The following ASB3 variants were observed in gnomAD, a reference collection of about 807,000 sequenced individuals.
The protein encoded by ASB3 is ankyrin repeat and SOCS box protein 3.
Under a neutral mutation model 54.5 loss-of-function variants are expected in ASB3, and 41 were observed. The ratio of observed to expected loss-of-function variants is 0.75; its 90% CI spans 0.59 to 0.98. The LOEUF is 0.98. ASB3 is among the 50% of genes least tolerant of loss of function. ASB3 has a pLI of 0.00. For missense variants in ASB3, 733 were observed against 620.0 expected, an observed-to-expected ratio of 1.18 and a Z score of -1.94; for synonymous variants, 266 against 221.2, an observed-to-expected ratio of 1.20 and a Z score of -1.80.
intron 5 of ASB3, among the ~76,000 whole-genome samples, chr2:53,725,186 C>A (rs1670925059): frequency 6.6e-6 from 1 of 152,090 alleles, no homozygotes; most frequent in Non-Finnish European, 1.5e-5. Context: ...AACAAATTAA[C>A]AAAAACCAAA....
chr2:53,758,125 T>C (rs1039012446), intron 2 of ASB3, among the ~76,000 whole-genome samples: 1 of 152,204 alleles, frequency 6.6e-6, no homozygotes, highest in Non-Finnish European at 1.5e-5. Flanking sequence ...CTATAATTGA[T>C]AACTGAAGGT....
chr2:53,703,426 G>A (rs1010153807), intron 7 of ASB3, among the ~76,000 whole-genome samples: 1 of 152,162 alleles, frequency 6.6e-6, no homozygotes, highest in Non-Finnish European at 1.5e-5. Context: ...CACTGATACT[G>A]AGCTTAAAAG....
At chr2:53,678,304 C>A (rs2103649852) in intron 9 of ASB3, among the ~76,000 whole-genome samples, 1 of 152,242 alleles carries the variant, frequency 6.6e-6, no homozygotes, top group East Asian at 1.9e-4. Context: ...TTTCATTTCC[C>A]CACAACCATC....
intron 1 of ASB3, among the ~76,000 whole-genome samples, chr2:53,772,552 G>GTTTTTGATGAT: frequency 7.0e-6 from 1 of 143,172 alleles, no homozygotes; most frequent in East Asian, 2.1e-4. Context: ...ACCTGCCCCC[G>GTTTTTGATGAT]ACAGCCAGAC....
intron 7 of ASB3, among the ~76,000 whole-genome samples, chr2:53,702,340 C>T (rs1396378697): frequency 6.6e-6 from 1 of 152,196 alleles, no homozygotes; most frequent in Non-Finnish European, 1.5e-5. Context: ...GTCTCAAATA[C>T]ATGTGCACAC....
chr2:53,720,944 C>T (rs903458282), intron 5 of ASB3, among the ~76,000 whole-genome samples: 5 of 151,826 alleles, frequency 3.3e-5, no homozygotes, highest in African/African-American at 1.2e-4. Flanking sequence ...CGATGAAACC[C>T]CATCTCTACT....
chr2:53,737,724 GAAA>G (rs543660229), intron 3 of ASB3, among the ~76,000 whole-genome samples: 2 of 63,878 alleles, frequency 3.1e-5, no homozygotes, highest in Non-Finnish European at 5.9e-5. Flanking sequence ...TTTAAAAAAG[GAAA>G]AAAAAAAAAA....
At chr2:53,704,142 C>T (rs141736262) in intron 7 of ASB3, among the ~76,000 whole-genome samples, 2 of 151,958 alleles carry the variant, frequency 1.3e-5, no homozygotes, top group East Asian at 3.9e-4. Context: ...GGACAGATCA[C>T]TTGAGGCCAG....
At chr2:53,716,296 T>G (rs1293568888) in intron 6 of ASB3, among the ~76,000 whole-genome samples, 2 of 152,052 alleles carry the variant, frequency 1.3e-5, no homozygotes, top group African/African-American at 4.8e-5. Flanking sequence ...CAGCCATAAC[T>G]AGAGAAATCA....
chr2:53,699,730 C>T (rs999830919), intron 8 of ASB3, among the ~76,000 whole-genome samples: 3 of 150,176 alleles, frequency 2.0e-5, no homozygotes, highest in Non-Finnish European at 3.0e-5. Flanking sequence ...TAGAAAGAGT[C>T]TTCTTCTTGC....
chr2:53,735,320 G>C (rs894852325), intron 3 of ASB3, among the ~76,000 whole-genome samples: 2 of 151,834 alleles, frequency 1.3e-5, no homozygotes, highest in African/African-American at 4.8e-5. Context: ...TTCCCTCATG[G>C]TCCAGAACCA....
At chr2:53,783,556 T>C (rs1180608644) in intron 1 of ASB3, among the ~76,000 whole-genome samples, 1 of 151,856 alleles carries the variant, frequency 6.6e-6, no homozygotes, top group Non-Finnish European at 1.5e-5. Context: ...GAAACACTGA[T>C]AAAATATCAC....
chr2:53,786,625 G>A (rs1048352365), intron 1 of ASB3, 196 bp downstream of exon 1: 1 of 152,696 alleles, frequency 6.5e-6, no homozygotes, highest in Non-Finnish European at 1.5e-5. Flanking sequence ...GCTGCAAGAA[G>A]GCAGGTCAGT....
At chr2:53,716,437 T>A in intron 6 of ASB3, 129 bp downstream of exon 6, 1 of 1,168,026 alleles carries the variant, frequency 8.6e-7, no homozygotes, top group Non-Finnish European at 1.2e-6. Flanking sequence ...GGTAGATCTG[T>A]TCACCCAGCA....
chr2:53,763,065 A>G (rs1476056164), intron 2 of ASB3, among the ~76,000 whole-genome samples: 2 of 152,170 alleles, frequency 1.3e-5, no homozygotes, highest in Non-Finnish European at 2.9e-5. Flanking sequence ...TATTAGATAA[A>G]CCTCAGGGAG....
intron 8 of ASB3, among the ~76,000 whole-genome samples, chr2:53,697,098 C>T (rs111589542): frequency 2.6e-4 from 40 of 152,266 alleles, no homozygotes; most frequent in African/African-American, 8.7e-4. Context: ...CCCATCAAAA[C>T]GAAGATGGTG....
chr2:53,711,950 G>A (rs1670122887), intron 7 of ASB3, among the ~76,000 whole-genome samples: 1 of 152,010 alleles, frequency 6.6e-6, no homozygotes, highest in South Asian at 2.1e-4. Flanking sequence ...AGGCTGTAGT[G>A]GAATTACTCC....
At position 53,670,181 on chromosome 2, in the gene ASB3, T is replaced by C. The variant is rs1357883369; in HGVS notation, c.*322A>G. Reference sequence around the variant, plus strand: ...TTAGCACTAGAAGTAACATCACAGTTTATTAGCAAAATAAAGCAGAAAATG... The same window carrying C: ...TTAGCACTAGAAGTAACATCACAGTCTATTAGCAAAATAAAGCAGAAAATG... On this transcript the variant is annotated 3_prime_UTR_variant, in exon 10 of 10. Coordinates refer to ENST00000263634, the MANE Select transcript of ASB3 (RefSeq NM_016115.5). 4.7e-6 allele frequency: 1 copy of C among 212,092 alleles called. No individual in the cohort carries two copies. Among genetic ancestry groups the C allele is most frequent in the African/African-American group, 2.4e-5 (1 of 42,354 alleles). The allele number at this position is 212,092 out of a possible 1,614,324, so 13.1% of individuals were successfully genotyped here.
intron 8 of ASB3, 78 bp from the exon 9 acceptor site, chr2:53,694,092 C>T (rs1669059493): frequency 1.3e-6 from 2 of 1,510,608 alleles, no homozygotes; most frequent in African/African-American, 2.8e-5. Context: ...CACCACATAC[C>T]TATTCTTACA....
Sources: gnomAD v4.1 joint callset for allele counts (sites outside exome capture counted in the v4.1 genomes callset) on GRCh38, gnomAD v4.1.1 for gene constraint, MANE v1.5 for transcripts, NCBI Gene and HGNC (gene_info 2026-07-23, HGNC 2026-07-21) for gene names.